The following ADGRV1 variants were observed in gnomAD, a reference collection of about 807,000 sequenced individuals.
ADGRV1 encodes the protein G-protein coupled receptor 98.
Under a neutral mutation model 596.2 loss-of-function variants are expected in ADGRV1, and 359 were observed. That is an observed-to-expected ratio of 0.60 (90% CI 0.55 to 0.66). The LOEUF (loss-of-function observed/expected upper bound fraction) is 0.66, where lower values mean the gene tolerates loss of function less well. Among genes scored for constraint, ADGRV1 ranks in the 30% least tolerant of loss-of-function variants. The pLI is 0.00. For missense variants in ADGRV1, 7,274 were observed against 7,575.6 expected (o/e 0.96, Z 1.48); for synonymous variants, 2,681 against 2,679.2 (o/e 1.00, Z -0.02).
chr5:90,567,388 TTAA>T (rs1317233015), intron 1 of ADGRV1, among the ~76,000 whole-genome samples: 1 of 152,160 alleles, frequency 6.6e-6, no homozygotes, highest in Non-Finnish European at 1.5e-5. Flanking sequence ...AGGGTTGATG[TTAA>T]TTATTCCTTA....
chr5:90,770,645 T>C lies in ADGRV1; in HGVS notation c.12286-3541T>C, dbSNP rs376643651. On this transcript the variant is annotated intron_variant, in intron 59 of 89. Transcript: ENST00000405460. ...CAGTTTAACTCAGAAGTCTCTTTCC[T>C]ACATCTTTGTTTTAATTTGCTGTAA... Among the ~76,000 whole-genome samples, 6 of 152,270 alleles carry C rather than the reference T, an allele frequency of 3.9e-5. No individual in the cohort carries two copies. The East Asian group carries it at 5.8e-4, about 15-fold the overall frequency.
At chr5:91,085,777 C>G (rs972466447) in intron 86 of ADGRV1, among the ~76,000 whole-genome samples, 1 of 152,168 alleles carries the variant, frequency 6.6e-6, no homozygotes, top group Non-Finnish European at 1.5e-5. Flanking sequence ...ATATGTATCA[C>G]TTTACACTGC....
Position 90,683,636 on chromosome 5 carries a change from A to C in ADGRV1, c.5715A>C (p.Ile1905=), listed in dbSNP as rs909152061. 6.2e-7 allele frequency: 1 copy of C among 1,611,192 alleles called. No individual in the cohort carries two copies. Among genetic ancestry groups the C allele is most frequent in the African/African-American group, 1.3e-5 (1 of 74,888 alleles). Residue 1905 remains isoleucine, a synonymous_variant, in exon 28 of 90, where the codon ATA becomes ATC. Coordinates refer to ENST00000405460, the MANE Select transcript of ADGRV1 (RefSeq NM_032119.4). ...TLSPVTLHWN[I]DSDPDGDLAF... is the part of the protein sequence containing the mutation. ...CTCCAGTGACTTTGCATTGGAACATAGACTCTGATCCTGATGGTGATCTCG... is the reference window on the plus strand; with the variant it reads ...CTCCAGTGACTTTGCATTGGAACATCGACTCTGATCCTGATGGTGATCTCG...
At chr5:91,146,177 A>G (rs776356302) in intron 87 of ADGRV1, among the ~76,000 whole-genome samples, 1 of 152,206 alleles carries the variant, frequency 6.6e-6, no homozygotes, top group Non-Finnish European at 1.5e-5. Context: ...AATTTTAGTA[A>G]CTATTTAATT....
chr5:91,106,274 A>G (rs1215343962), intron 87 of ADGRV1, among the ~76,000 whole-genome samples: 1 of 152,130 alleles, frequency 6.6e-6, no homozygotes, highest in East Asian at 1.9e-4. Flanking sequence ...AGTTGGCTGT[A>G]GATAATGTGG....
intron 38 of ADGRV1, among the ~76,000 whole-genome samples, chr5:90,708,118 T>TA (rs1247547060): frequency 6.6e-6 from 1 of 152,112 alleles, no homozygotes; most frequent in Non-Finnish European, 1.5e-5. Context: ...TAAATATACA[T>TA]ACACATTGTG....
chr5:90,717,446 T>G (rs1400989487), intron 43 of ADGRV1: 1 of 148,364 alleles, frequency 6.7e-6, no homozygotes, highest in Non-Finnish European at 1.5e-5. Context: ...TTTTTTTTTT[T>G]TTTTTTGAGG....
At chr5:90,887,888 T>A (rs1230756464) in intron 83 of ADGRV1, among the ~76,000 whole-genome samples, 1 of 152,178 alleles carries the variant, frequency 6.6e-6, no homozygotes, top group Non-Finnish European at 1.5e-5. Flanking sequence ...TACCACAGTT[T>A]TTTTAAGTCA....
chr5:90,765,470 C>CACAG (rs546930616), intron 59 of ADGRV1, among the ~76,000 whole-genome samples: 4,365 of 149,416 alleles, frequency 0.029, 164 homozygotes, highest in East Asian at 0.19. Context: ...CACACACACA[C>CACAG]AAACTCTAGA....
At chr5:90,696,783 T>C (rs1747246268) in intron 33 of ADGRV1, among the ~76,000 whole-genome samples, 154 bp from the exon 34 acceptor site, 1 of 151,836 alleles carries the variant, frequency 6.6e-6, no homozygotes, top group Non-Finnish European at 1.5e-5. Context: ...TATATATAAT[T>C]AAAATTTGCT....
intron 27 of ADGRV1, among the ~76,000 whole-genome samples, chr5:90,681,806 C>CTCCA (rs1744969068): frequency 7.0e-6 from 1 of 142,764 alleles, no homozygotes; most frequent in African/African-American, 2.7e-5. Flanking sequence ...AATTGCCTTC[C>CTCCA]TCCCTCCCTC....
intron 38 of ADGRV1, 23 bp from the exon 39 acceptor site, chr5:90,708,793 T>A: frequency 6.8e-7 from 1 of 1,469,796 alleles, no homozygotes; most frequent in South Asian, 1.2e-5. Flanking sequence ...ACTAAAGGAA[T>A]TTAATGAGTG....
At chr5:90,879,321 TG>T (rs1769526131) in intron 83 of ADGRV1, among the ~76,000 whole-genome samples, 1 of 152,160 alleles carries the variant, frequency 6.6e-6, no homozygotes, top group South Asian at 2.1e-4. Context: ...ATGCACATTT[TG>T]GAAACAAAAG....
chr5:90,585,945 C>T (rs116010695), intron 1 of ADGRV1, among the ~76,000 whole-genome samples: 89 of 152,176 alleles, frequency 5.8e-4, no homozygotes, highest in African/African-American at 2.0e-3. Flanking sequence ...GTTGGCCAGC[C>T]GAGTGAGGAA....
At position 90,811,248 on chromosome 5, in the gene ADGRV1, G is replaced by A. The variant is rs766818742; in HGVS notation, c.15988G>A (p.Val5330Met). Reference protein sequence around the residue: ...DEPEGQEFFYVFLTNPQGGAQ... With the variant: ...DEPEGQEFFYMFLTNPQGGAQ... ...GCCTGAGGGGCAGGAATTCTTCTAC[G>A]TGTTTCTCACAAACCCTCAAGGGGG... Residue 5330 changes from valine (V) to methionine (M), a missense_variant, in exon 74 of 90, where the codon GTG (valine) becomes ATG (methionine). Physicochemically the swap from Val to Met is conservative, Grantham distance 21. Transcript: ENST00000405460. 14 of 1,612,422 alleles carry A rather than the reference G, an allele frequency of 8.7e-6. No individual in the cohort carries two copies. The highest frequency in any genetic ancestry group is 1.6e-4 in the Middle Eastern group (1 of 6,084).
intron 58 of ADGRV1, chr5:90,759,906 A>G: frequency 3.5e-6 from 1 of 286,746 alleles, no homozygotes; most frequent in Non-Finnish European, 6.6e-6. Context: ...CAGAGGTTGC[A>G]GTGAGCTGAG....
At chr5:91,150,263 GTC>G (rs746094590) in intron 88 of ADGRV1, 42 bp downstream of exon 88, 54,056 of 1,180,286 alleles carry the variant, frequency 0.046, no homozygotes, top group South Asian at 0.077. Flanking sequence ...CTCTGTCTCT[GTC>G]TCTCTCTCTC....
In ADGRV1 at chr5:90,716,458, T is replaced by G; in HGVS notation, c.9185-9T>G. ...TTCATTTGTTGCTTTAATATTTTTA[T>G]TTTGGCAGCCTTAATTATTGTCCTT... On this transcript the variant is annotated splice_polypyrimidine_tract_variant and intron_variant, in intron 42 of 89. Transcript: ENST00000405460. 1 of 1,528,962 alleles carries G rather than the reference T, an allele frequency of 6.5e-7. No individual in the cohort carries two copies. The highest frequency in any genetic ancestry group is 8.8e-7 in the Non-Finnish European group (1 of 1,136,228). 94.7% of individuals were successfully genotyped at this position (1,528,962 alleles called of 1,614,324 possible).
intron 1 of ADGRV1, among the ~76,000 whole-genome samples, chr5:90,563,407 G>A (rs958880592): frequency 6.6e-6 from 1 of 152,238 alleles, no homozygotes; most frequent in African/African-American, 2.4e-5. Flanking sequence ...AATCAACAGA[G>A]AGTTTTCCTT....
Sources: allele counts gnomAD v4.1 joint callset (sites outside exome capture counted in the v4.1 genomes callset), GRCh38; gene constraint gnomAD v4.1.1; transcripts MANE v1.5; gene names NCBI Gene and HGNC (gene_info 2026-07-23, HGNC 2026-07-21).